NAALADL2: variants seen among roughly 807,000 people sequenced by gnomAD.
NAALADL2 encodes the protein inactive N-acetylated-alpha-linked acidic dipeptidase-like protein 2.
Under a neutral mutation model 87.2 loss-of-function variants are expected in NAALADL2, and 76 were observed. That is an observed-to-expected ratio of 0.87 (90% CI 0.72 to 1.05). The LOEUF (loss-of-function observed/expected upper bound fraction) is 1.05. NAALADL2 is among the 50% of genes least tolerant of loss of function. The pLI is 0.00. For synonymous variants in NAALADL2, 354 were observed against 331.0 expected, an observed-to-expected ratio of 1.07 and a Z score of -0.75; for missense variants, 1,089 against 945.8, an observed-to-expected ratio of 1.15 and a Z score of -1.99.
intron 11 of NAALADL2, among the ~76,000 whole-genome samples, chr3:175,681,674 G>C (rs765768653): frequency 1.3e-5 from 2 of 152,112 alleles, no homozygotes; most frequent in African/African-American, 2.4e-5. Flanking sequence ...CACAAAACAA[G>C]GGTTAAACTA....
chr3:175,079,912 C>G (rs1395197854), intron 1 of NAALADL2, among the ~76,000 whole-genome samples: 5 of 151,790 alleles, frequency 3.3e-5, no homozygotes, highest in Non-Finnish European at 7.4e-5. Flanking sequence ...TGATTCCTAG[C>G]AAATATAAGA....
chr3:174,639,664 T>C (rs1722982293), intron 2 of NAALADL2, among the ~76,000 whole-genome samples: 2 of 152,194 alleles, frequency 1.3e-5, no homozygotes, highest in South Asian at 4.1e-4. Flanking sequence ...GAACATTGCA[T>C]ACAGTCCAGT....
Position 175,549,296 on chromosome 3 carries a change from T to C in NAALADL2, c.1654-26745T>C, listed in dbSNP as rs562051421. Among the ~76,000 whole-genome samples the C allele has an allele frequency of 6.7e-4, 102 of 152,174 alleles. 1 individual carries two copies. Among genetic ancestry groups the C allele is most frequent in the African/African-American group, 2.4e-3 (101 of 41,562 alleles). ...AAAAAATTGGATGTGTATATCTGTTTAGACATCTAACTGTCATGTTATTTT... is the reference window on the plus strand; with the variant it reads ...AAAAAATTGGATGTGTATATCTGTTCAGACATCTAACTGTCATGTTATTTT... On this transcript the variant is annotated intron_variant, in intron 9 of 13. Coordinates refer to ENST00000454872, the MANE Select transcript of NAALADL2 (RefSeq NM_207015.3).
intron 2 of NAALADL2, among the ~76,000 whole-genome samples, chr3:174,714,718 A>G (rs1731013810): frequency 1.3e-5 from 2 of 152,174 alleles, no homozygotes; most frequent in Admixed American, 1.3e-4. Context: ...GGGGTTTTCT[A>G]GATATACAAT....
Position 174,704,413 on chromosome 3 carries a change from TATTTA to T in NAALADL2, c.-114-33220_-114-33216del, listed in dbSNP as rs148924844. 6.2e-3 allele frequency among the ~76,000 whole-genome samples: 937 copies of T among 152,250 alleles called. 6 individuals carry two copies. The highest frequency in any genetic ancestry group is 0.021 in the African/African-American group (889 of 41,552). Reference sequence around the variant, plus strand: ...GAAAGAAAGCTTATTATAAGCAACATATTTAATTTAATATTTGATAGTAATGTTTT... The same window carrying T: ...GAAAGAAAGCTTATTATAAGCAACATATTTAATATTTGATAGTAATGTTTT... On this transcript the variant is annotated intron_variant, in intron 2 of 3. Coordinates refer to the NAALADL2 transcript ENST00000434257.
intron 3 of NAALADL2, among the ~76,000 whole-genome samples, chr3:174,811,430 A>C (rs572328169): frequency 6.6e-6 from 1 of 152,126 alleles, no homozygotes; most frequent in Non-Finnish European, 1.5e-5. Context: ...TGAGACATAG[A>C]GTCAAAGGGG....
At chr3:175,604,636 C>T (rs1560835895) in intron 10 of NAALADL2, among the ~76,000 whole-genome samples, 1 of 152,096 alleles carries the variant, frequency 6.6e-6, no homozygotes, top group Non-Finnish European at 1.5e-5. Flanking sequence ...ATTTCTTCTA[C>T]TGTTTTAATA....
chr3:175,276,247 T>C (rs553519296), intron 4 of NAALADL2, among the ~76,000 whole-genome samples: 10 of 151,766 alleles, frequency 6.6e-5, no homozygotes, highest in Non-Finnish European at 1.2e-4. Context: ...CTCTTTGTGG[T>C]ACAATTAAAA....
intron 13 of NAALADL2, among the ~76,000 whole-genome samples, chr3:175,791,899 G>T: frequency 1.5e-5 from 2 of 136,428 alleles, no homozygotes; most frequent in Non-Finnish European, 3.1e-5. Context: ...TTTGCTTTTA[G>T]AGTTCCCAAA....
intron 3 of NAALADL2, among the ~76,000 whole-genome samples, chr3:174,839,657 CAAAT>C (rs1314406871): frequency 2.0e-5 from 3 of 151,330 alleles, no homozygotes; most frequent in Non-Finnish European, 4.4e-5. Context: ...AGAAAAAAAA[CAAAT>C]AATCCCATCA....
chr3:175,620,903 CT>C (rs112219519), intron 10 of NAALADL2, among the ~76,000 whole-genome samples: 43 of 152,272 alleles, frequency 2.8e-4, no homozygotes, highest in African/African-American at 9.1e-4. Context: ...AAAAGGCGAC[CT>C]GAAGTGGGTA....
At chr3:175,082,505 A>G (rs1718064764) in intron 1 of NAALADL2, among the ~76,000 whole-genome samples, 1 of 152,204 alleles carries the variant, frequency 6.6e-6, no homozygotes, top group African/African-American at 2.4e-5. Flanking sequence ...TGGGTAAACA[A>G]TATCAGTTTT....
intron 2 of NAALADL2, among the ~76,000 whole-genome samples, chr3:175,144,729 TA>T (rs1307864223): frequency 4.6e-5 from 7 of 152,074 alleles, no homozygotes; most frequent in South Asian, 4.1e-4. Flanking sequence ...TCCCTGATTT[TA>T]TTTTCCTCCT....
intron 1 of NAALADL2, among the ~76,000 whole-genome samples, chr3:175,045,893 C>CTT (rs1754606168): frequency 6.6e-6 from 1 of 151,996 alleles, no homozygotes; most frequent in African/African-American, 2.4e-5. Flanking sequence ...TTTTACTATT[C>CTT]GAGTATTCTT....
intron 3 of NAALADL2, among the ~76,000 whole-genome samples, chr3:174,809,202 C>T (rs1358863895): frequency 1.3e-5 from 2 of 152,076 alleles, no homozygotes; most frequent in African/African-American, 4.8e-5. Flanking sequence ...ACATAATATG[C>T]AGTCAGATAT....
At chr3:174,747,478 C>T (rs941349660) in intron 3 of NAALADL2, among the ~76,000 whole-genome samples, 1 of 151,606 alleles carries the variant, frequency 6.6e-6, no homozygotes, top group African/African-American at 2.4e-5. Context: ...AAAAGTTATC[C>T]AGGCATGGTG....
Position 175,597,831 on chromosome 3 carries a change from A to G in NAALADL2, c.1800+21644A>G, listed in dbSNP as rs547572418. Among the ~76,000 whole-genome samples, 9 of 152,186 alleles carry G rather than the reference A, an allele frequency of 5.9e-5. No individual in the cohort carries two copies. In the East Asian group the frequency reaches 1.7e-3, roughly 29 times the overall value. On this transcript the variant is annotated intron_variant, in intron 10 of 13. Transcript: ENST00000454872. The stretch of plus-strand genomic sequence containing the variant: ...TGAATATCTACATCTATATTTATCT[A>G]GAATTAGAGTTTGCACAGTTTCTAG...
intron 2 of NAALADL2, among the ~76,000 whole-genome samples, chr3:174,700,798 A>G (rs1422258374): frequency 6.6e-6 from 1 of 152,212 alleles, no homozygotes; most frequent in Non-Finnish European, 1.5e-5. Flanking sequence ...AGTGACTTAG[A>G]AGGAGTATAA....
At chr3:175,773,258 G>A (rs540738833) in intron 13 of NAALADL2, 1 of 152,132 alleles carries the variant, frequency 6.6e-6, no homozygotes, top group Non-Finnish European at 1.5e-5. Context: ...TCCTCAAAGA[G>A]TGTCATTTGC....
Sources: allele counts gnomAD v4.1 joint callset (sites outside exome capture counted in the v4.1 genomes callset), GRCh38; gene constraint gnomAD v4.1.1; transcripts MANE v1.5; gene names NCBI Gene and HGNC (gene_info 2026-07-23, HGNC 2026-07-21).